GRM7: variants seen among roughly 807,000 people sequenced by gnomAD.
The protein encoded by GRM7 is glutamate metabotropic receptor 7, also known as metabotropic glutamate receptor 7.
In GRM7, 35 loss-of-function variants were observed where a neutral mutation model predicts 84.5. The observed-to-expected ratio is 0.41, with a 90% CI of 0.32 to 0.55. The LOEUF is 0.55. Ranked by LOEUF, GRM7 falls within the 20% of genes least tolerant of loss-of-function variation. The pLI is 0.19. For missense variants in GRM7, 1,003 were observed against 1,194.6 expected (o/e 0.84, Z 2.36); for synonymous variants, 487 against 455.1 (o/e 1.07, Z -0.89).
At chr3:7,357,423 A>C (rs73809074) in intron 4 of GRM7, among the ~76,000 whole-genome samples, 4,731 of 151,768 alleles carry the variant, frequency 0.031, 234 homozygotes, top group African/African-American at 0.11. Context: ...GCACCATAGA[A>C]CTCATTTCCC....
intron 7 of GRM7, among the ~76,000 whole-genome samples, chr3:7,535,487 A>G (rs1259893438): frequency 6.6e-6 from 1 of 152,216 alleles, no homozygotes; most frequent in Non-Finnish European, 1.5e-5. Context: ...TGGTAGGCCC[A>G]AGGGAAGCTC....
Position 7,662,279 on chromosome 3 carries a change from AC to A in GRM7, c.2452-17769del, listed in dbSNP as rs1410423464. On this transcript the variant is annotated intron_variant, in intron 8 of 9. Coordinates refer to ENST00000357716, the MANE Select transcript of GRM7 (RefSeq NM_000844.4). ...GGAGAAATACAAAGAGGAATAAGGA[AC>A]TTTTGGAGGTGATGCTGATAACTAT... 2.6e-5 allele frequency among the ~76,000 whole-genome samples: 4 copies of A among 152,268 alleles called. 1 individual carries two copies.
intron 1 of GRM7, among the ~76,000 whole-genome samples, chr3:6,992,733 G>GA (rs1163830921): frequency 1.3e-5 from 2 of 152,222 alleles, no homozygotes; most frequent in South Asian, 4.1e-4. Flanking sequence ...GCCACTGCCA[G>GA]AAAAAAATGG....
chr3:7,467,871 C>A (rs1234703508), intron 7 of GRM7, among the ~76,000 whole-genome samples: 3 of 151,990 alleles, frequency 2.0e-5, no homozygotes, highest in African/African-American at 4.8e-5. Context: ...AAAAAAAAAT[C>A]AGCCATCCAT....
At chr3:7,186,200 A>G (rs1695507564) in intron 2 of GRM7, among the ~76,000 whole-genome samples, 2 of 152,252 alleles carry the variant, frequency 1.3e-5, no homozygotes, top group Non-Finnish European at 2.9e-5. Context: ...AAGCAGTGCA[A>G]TGAACTAAGT....
chr3:7,083,673 A>T (rs1698345900), intron 1 of GRM7, among the ~76,000 whole-genome samples: 2 of 152,190 alleles, frequency 1.3e-5, no homozygotes, highest in Admixed American at 1.3e-4. Context: ...AGGTGCTGAG[A>T]ATCTAGTGAT....
chr3:7,504,090 T>C (rs77613683), intron 7 of GRM7, among the ~76,000 whole-genome samples: 2,149 of 152,236 alleles, frequency 0.014, 25 homozygotes, highest in Middle Eastern at 0.037. Context: ...GCCTCAAATG[T>C]ATGAAAAAAA....
At chr3:7,291,317 GTATT>G (rs1248098854) in intron 2 of GRM7, among the ~76,000 whole-genome samples, 1 of 152,104 alleles carries the variant, frequency 6.6e-6, no homozygotes, top group African/African-American at 2.4e-5. Flanking sequence ...GGTGCTAACA[GTATT>G]TATTCTGCTC....
At chr3:7,518,172 G>C (rs1700462461) in intron 7 of GRM7, among the ~76,000 whole-genome samples, 1 of 152,194 alleles carries the variant, frequency 6.6e-6, no homozygotes, top group African/African-American at 2.4e-5. Context: ...AGCCCCAAGA[G>C]AGCACAGCTG....
chr3:7,233,918 C>T (rs1335279078), intron 2 of GRM7, among the ~76,000 whole-genome samples: 1 of 152,110 alleles, frequency 6.6e-6, no homozygotes, highest in Non-Finnish European at 1.5e-5. Context: ...TTCTTGAATA[C>T]ATCCCATAAT....
intron 1 of GRM7, among the ~76,000 whole-genome samples, chr3:6,916,454 G>C (rs1005104894): frequency 6.6e-5 from 10 of 152,150 alleles, no homozygotes; most frequent in African/African-American, 2.2e-4. Flanking sequence ...ACTGAAATGA[G>C]CAATAAAGGG....
At chr3:7,668,733 T>C (rs1032994310) in intron 8 of GRM7, among the ~76,000 whole-genome samples, 1 of 152,248 alleles carries the variant, frequency 6.6e-6, no homozygotes, top group Non-Finnish European at 1.5e-5. Flanking sequence ...ACAGAGTGGC[T>C]GTGGGGACCA....
At chr3:7,470,583 C>T (rs1205994477) in intron 7 of GRM7, among the ~76,000 whole-genome samples, 2 of 152,090 alleles carry the variant, frequency 1.3e-5, no homozygotes, top group African/African-American at 4.8e-5. Flanking sequence ...ATTAGAGAGC[C>T]TAAACCTCCA....
At chr3:7,158,079 G>T (rs903377143) in intron 2 of GRM7, among the ~76,000 whole-genome samples, 7 of 152,102 alleles carry the variant, frequency 4.6e-5, no homozygotes, top group African/African-American at 1.7e-4. Context: ...ACTGTTTGTT[G>T]TTCAGTTGGG....
chr3:7,128,393 G>A (rs1432115353), intron 1 of GRM7, among the ~76,000 whole-genome samples: 1 of 151,610 alleles, frequency 6.6e-6, no homozygotes, highest in African/African-American at 2.4e-5. Flanking sequence ...ACGATGAAAG[G>A]TCTGATCATG....
intron 2 of GRM7, among the ~76,000 whole-genome samples, chr3:7,207,871 A>G (rs1436347429): frequency 2.0e-5 from 3 of 152,346 alleles, no homozygotes; most frequent in East Asian, 3.9e-4. Context: ...GGCACATTTT[A>G]TCTTTCATAT....
At chr3:7,099,953 A>C (rs1014376331) in intron 1 of GRM7, among the ~76,000 whole-genome samples, 4 of 147,868 alleles carry the variant, frequency 2.7e-5, no homozygotes, top group African/African-American at 4.9e-5. Flanking sequence ...CATTATGTAT[A>C]TATACATATA....
intron 8 of GRM7, among the ~76,000 whole-genome samples, chr3:7,633,246 C>A (rs1254567965): frequency 6.6e-6 from 1 of 152,212 alleles, no homozygotes; most frequent in Non-Finnish European, 1.5e-5. Context: ...AAGGCACTTA[C>A]CATGTGCCAG....
At chr3:7,363,597 C>T (rs1215621317) in intron 4 of GRM7, among the ~76,000 whole-genome samples, 2 of 152,018 alleles carry the variant, frequency 1.3e-5, no homozygotes, top group East Asian at 1.9e-4. Context: ...CATTTTAACA[C>T]TTATAAAGAT....
Sources: allele counts gnomAD v4.1 joint callset (sites outside exome capture counted in the v4.1 genomes callset), GRCh38; gene constraint gnomAD v4.1.1; transcripts MANE v1.5; gene names NCBI Gene and HGNC (gene_info 2026-07-23, HGNC 2026-07-21).